LMBRD1: variants seen among roughly 807,000 people sequenced by gnomAD.
LMBRD1 encodes lysosomal cobalamin transport escort protein LMBD1.
Under a neutral mutation model 74.8 loss-of-function variants are expected in LMBRD1, and 64 were observed. That is an observed-to-expected ratio of 0.86 (90% confidence interval 0.70 to 1.05). The LOEUF is 1.05. Ranked by LOEUF, LMBRD1 falls within the 50% of genes least tolerant of loss-of-function variation. The pLI, the probability that LMBRD1 is intolerant of heterozygous loss-of-function variation, is 0.00. For missense variants in LMBRD1, 652 were observed against 645.9 expected, an observed-to-expected ratio of 1.01 and a Z score of -0.10; for synonymous variants, 204 against 216.3, an observed-to-expected ratio of 0.94 and a Z score of 0.50.
intron 5 of LMBRD1, among the ~76,000 whole-genome samples, chr6:69,748,886 A>C (rs1765054045): frequency 6.6e-6 from 1 of 152,050 alleles, no homozygotes. Flanking sequence ...ATTTTCATCA[A>C]AGTGTTATTT....
chr6:69,705,226 T>G (rs1038722961), intron 9 of LMBRD1: 6 of 640,896 alleles, frequency 9.4e-6, no homozygotes, highest in East Asian at 2.9e-5. Context: ...CAGCCAGATA[T>G]CAACTGCTAC....
At chr6:69,695,326 C>CT (rs1223651481) in intron 14 of LMBRD1, among the ~76,000 whole-genome samples, 3 of 151,886 alleles carry the variant, frequency 2.0e-5, no homozygotes, top group African/African-American at 4.8e-5. Context: ...AATTTTTTCT[C>CT]TTTTTTCAGC....
intron 9 of LMBRD1, among the ~76,000 whole-genome samples, chr6:69,707,435 T>C (rs1766283970): frequency 6.6e-6 from 1 of 152,212 alleles, no homozygotes; most frequent in Non-Finnish European, 1.5e-5. Flanking sequence ...AAAAAGGCAC[T>C]GTATCTACCA....
At chr6:69,680,587 T>C (rs1394628144) in intron 14 of LMBRD1, among the ~76,000 whole-genome samples, 3 of 152,140 alleles carry the variant, frequency 2.0e-5, no homozygotes, top group African/African-American at 7.2e-5. Flanking sequence ...CATGTTTACC[T>C]TTTTAAAAGG....
At chr6:69,680,852 C>T (rs557651141) in intron 14 of LMBRD1, among the ~76,000 whole-genome samples, 1 of 152,114 alleles carries the variant, frequency 6.6e-6, no homozygotes, top group South Asian at 2.1e-4. Flanking sequence ...GAGGGGAGTG[C>T]CGTTCTTCAC....
chr6:69,701,036 C>G (rs1766118257), intron 11 of LMBRD1, among the ~76,000 whole-genome samples, 167 bp from the exon 12 acceptor site: 1 of 151,238 alleles, frequency 6.6e-6, no homozygotes, highest in Admixed American at 6.6e-5. Flanking sequence ...AAAAAACTAA[C>G]AAGTACCAAA....
chr6:69,793,932 GCTGGT>G (rs2149899385), intron 1 of LMBRD1, among the ~76,000 whole-genome samples: 1 of 151,914 alleles, frequency 6.6e-6, no homozygotes, highest in East Asian at 1.9e-4. Context: ...TGCTGCCCAG[GCTGGT>G]CTCAACTCCT....
intron 14 of LMBRD1, among the ~76,000 whole-genome samples, chr6:69,691,818 G>A (rs1203085214): frequency 1.4e-5 from 2 of 146,466 alleles, no homozygotes; most frequent in African/African-American, 5.0e-5. Flanking sequence ...GAAGGTTGCA[G>A]TGAGCCAAGA....
chr6:69,718,080 A>G (rs961137205), intron 8 of LMBRD1, among the ~76,000 whole-genome samples: 4 of 152,128 alleles, frequency 2.6e-5, no homozygotes, highest in South Asian at 2.1e-4. Context: ...TTTATTTATC[A>G]GAATCATACT....
intron 3 of LMBRD1, among the ~76,000 whole-genome samples, chr6:69,764,412 C>A (rs1765438212): frequency 6.6e-6 from 1 of 152,062 alleles, no homozygotes; most frequent in Non-Finnish European, 1.5e-5. Context: ...TGGAAGAAGG[C>A]CTTCATTACA....
At position 69,752,305 on chromosome 6, in the gene LMBRD1, T is replaced by C; in HGVS notation, c.359A>G (p.Tyr120Cys). Residue 120 changes from tyrosine to cysteine, a missense_variant, in exon 4 of 16, where the codon TAC becomes TGC. Coordinates refer to ENST00000649934, the MANE Select transcript of LMBRD1 (RefSeq NM_018368.4). ...ATCATCCTTTTCTTCATAATAGAAG[T>C]AGACAAAAGGGATCCAGAAGAACAC... ...FCVFFWIPFV[Y>C]FYYEEKDDDD... 1 of 1,610,456 alleles carries C rather than the reference T, an allele frequency of 6.2e-7. No homozygotes were observed. The highest frequency in any genetic ancestry group is 8.5e-7 in the Non-Finnish European group (1 of 1,177,206).
intron 3 of LMBRD1, among the ~76,000 whole-genome samples, chr6:69,759,831 TAAATC>T (rs1336800727): frequency 6.6e-6 from 1 of 152,110 alleles, no homozygotes; most frequent in Non-Finnish European, 1.5e-5. Context: ...AAAAATTTCT[TAAATC>T]AATAAGAACA....
intron 7 of LMBRD1, among the ~76,000 whole-genome samples, chr6:69,737,198 T>G (rs1393453110): frequency 6.6e-6 from 1 of 152,132 alleles, no homozygotes. Context: ...TTAAGAGTGC[T>G]TCAACATAAA....
At position 69,741,874 on chromosome 6, in the gene LMBRD1, G is replaced by A. The variant is rs1477935067; in HGVS notation, c.477C>T (p.Ala159=). 6.4e-7 allele frequency: 1 copy of A among 1,573,214 alleles called. No homozygotes were observed. Among genetic ancestry groups the A allele is most frequent in the Non-Finnish European group, 8.7e-7 (1 of 1,143,614 alleles). Residue 159 remains alanine, a synonymous_variant, in exon 6 of 16, where the codon GCC becomes GCT. Coordinates refer to ENST00000649934, the MANE Select transcript of LMBRD1 (RefSeq NM_018368.4). Reference sequence around the variant, plus strand: ...TATTGGGAACATTCAATGGAACAAAGGCACTACAAAAGAGAAAATAATTGT... The same window carrying A: ...TATTGGGAACATTCAATGGAACAAAAGCACTACAAAAGAGAAAATAATTGT... ...VICALLLLVG[A]FVPLNVPNNK... is the part of the protein sequence containing the mutation.
At chr6:69,706,368 ATAT>A (rs1766259760) in intron 9 of LMBRD1, among the ~76,000 whole-genome samples, 1 of 152,184 alleles carries the variant, frequency 6.6e-6, no homozygotes, top group South Asian at 2.1e-4. Context: ...AAGTTGCTGA[ATAT>A]AAGGTTAATT....
At chr6:69,719,683 CTTT>C (rs906106089) in intron 7 of LMBRD1, among the ~76,000 whole-genome samples, 2 of 152,046 alleles carry the variant, frequency 1.3e-5, no homozygotes, top group Non-Finnish European at 2.9e-5. Flanking sequence ...CAAATGACAG[CTTT>C]TTAATATAAT....
chr6:69,736,456 G>T (rs1400341831), intron 7 of LMBRD1, among the ~76,000 whole-genome samples: 1 of 152,102 alleles, frequency 6.6e-6, no homozygotes, highest in Non-Finnish European at 1.5e-5. Flanking sequence ...CAAAAAAGTT[G>T]ATCCTATGGC....
At chr6:69,707,576 T>C (rs1766287613) in intron 9 of LMBRD1, among the ~76,000 whole-genome samples, 1 of 152,204 alleles carries the variant, frequency 6.6e-6, no homozygotes, top group Admixed American at 6.6e-5. Flanking sequence ...TTTAGTCCTT[T>C]TGAACTACTG....
Position 69,786,671 on chromosome 6 carries a change from A to C in LMBRD1, c.246+3625T>G, listed in dbSNP as rs200340456. ...ACAAATTATCTAGCTAAAATTATTA[A>C]TAATGCCATATGCTGAAAGAAAGGT... On this transcript the variant is annotated intron_variant, in intron 2 of 15. Transcript: ENST00000649934. 2.0e-5 allele frequency among the ~76,000 whole-genome samples: 3 copies of C among 152,300 alleles called. No homozygotes were observed. In the East Asian group the frequency reaches 5.8e-4, roughly 29 times the overall value.
Sources: allele counts gnomAD v4.1 joint callset (sites outside exome capture counted in the v4.1 genomes callset), GRCh38; gene constraint gnomAD v4.1.1; transcripts MANE v1.5; gene names NCBI Gene and HGNC (gene_info 2026-07-23, HGNC 2026-07-21).